GLIS3: variants seen among roughly 807,000 people sequenced by gnomAD.
The protein encoded by GLIS3 is zinc finger protein GLIS3.
In GLIS3, 53 loss-of-function variants were observed where a neutral mutation model predicts 78.6. The observed-to-expected ratio is 0.67, with a 90% CI of 0.54 to 0.85. The LOEUF (loss-of-function observed/expected upper bound fraction) is 0.85, where lower values mean the gene tolerates loss of function less well. GLIS3 is among the 40% of genes least tolerant of loss of function. The pLI is 0.00. For missense variants in GLIS3, 1,703 were observed against 1,231.1 expected, an observed-to-expected ratio of 1.38 and a Z score of -5.74; for synonymous variants, 684 against 509.9, an observed-to-expected ratio of 1.34 and a Z score of -4.60.
chr9:4,339,604 T>G (rs1264345345), intron 2 of GLIS3, among the ~76,000 whole-genome samples: 4 of 150,332 alleles, frequency 2.7e-5, no homozygotes, highest in Non-Finnish European at 5.9e-5. Flanking sequence ...CCGTCTCTGT[T>G]GTGTGTATTT....
intron 2 of GLIS3, among the ~76,000 whole-genome samples, chr9:4,191,813 T>C (rs190160161): frequency 9.9e-5 from 15 of 152,092 alleles, no homozygotes; most frequent in African/African-American, 2.2e-4. Flanking sequence ...TCCAAGGAAA[T>C]TGAAGACCAT....
chr9:4,465,267 G>T, the GLIS3 span, among the ~76,000 whole-genome samples: 1 of 152,250 alleles, frequency 6.6e-6, no homozygotes, highest in Non-Finnish European at 1.5e-5. Context: ...ACGATAATAG[G>T]CCGGGCACGG....
intron 2 of GLIS3, among the ~76,000 whole-genome samples, chr9:4,190,175 T>G (rs148879012): frequency 6.6e-6 from 1 of 152,072 alleles, no homozygotes; most frequent in African/African-American, 2.4e-5. Flanking sequence ...GGAACAAAGC[T>G]GGACGGAGAA....
intron 2 of GLIS3, among the ~76,000 whole-genome samples, chr9:4,188,532 CCT>C (rs1818020620): frequency 6.6e-6 from 1 of 151,396 alleles, no homozygotes; most frequent in Non-Finnish European, 1.5e-5. Flanking sequence ...GGGAGGATTC[CCT>C]CTTTTTCTAT....
the GLIS3 span, among the ~76,000 whole-genome samples, chr9:4,419,556 G>A: frequency 1.8e-4 from 28 of 152,110 alleles, no homozygotes; most frequent in East Asian, 1.2e-3. Context: ...TGAGGAGGCC[G>A]AGGCGGGTGG....
the GLIS3 span, among the ~76,000 whole-genome samples, chr9:4,369,603 G>A: frequency 6.6e-6 from 1 of 152,134 alleles, no homozygotes; most frequent in Admixed American, 6.5e-5. Flanking sequence ...TCCCCTGGCT[G>A]TAGGCCCTTG....
chr9:4,466,713 G>A, the GLIS3 span, among the ~76,000 whole-genome samples: 397 of 152,314 alleles, frequency 2.6e-3, 4 homozygotes, highest in African/African-American at 8.2e-3. Context: ...AGCTCCCAGC[G>A]TGAGCGACGC....
At chr9:4,207,253 G>A (rs1819964743) in intron 2 of GLIS3, among the ~76,000 whole-genome samples, 1 of 152,162 alleles carries the variant, frequency 6.6e-6, no homozygotes, top group African/African-American at 2.4e-5. Context: ...CTATGCAGAG[G>A]GAAGGTGGAC....
At chr9:4,346,665 G>A in intron 2 of GLIS3, among the ~76,000 whole-genome samples, 1 of 8,596 alleles carries the variant, frequency 1.2e-4, no homozygotes, top group Non-Finnish European at 0.012. Flanking sequence ...ATTTAATAAT[G>A]GATGGAGCCG....
intron 2 of GLIS3, among the ~76,000 whole-genome samples, chr9:4,205,175 C>A (rs371610465): frequency 3.5e-3 from 433 of 124,634 alleles, no homozygotes; most frequent in South Asian, 5.7e-3. Flanking sequence ...GAGACTCTGT[C>A]AAAAAAAAAA....
intron 2 of GLIS3, among the ~76,000 whole-genome samples, chr9:4,260,504 T>G (rs1451096217): frequency 6.6e-5 from 10 of 150,762 alleles, no homozygotes; most frequent in Non-Finnish European, 1.5e-4. Flanking sequence ...GGGGCAGAGG[T>G]TGTAGTTAGC....
intron 2 of GLIS3, among the ~76,000 whole-genome samples, chr9:4,345,389 CT>C (rs991360318): frequency 6.6e-6 from 1 of 152,144 alleles, no homozygotes; most frequent in East Asian, 1.9e-4. Context: ...ATAGCATTTT[CT>C]TTTTTATGAC....
At chr9:3,863,646 G>A (rs1019354243) in intron 8 of GLIS3, among the ~76,000 whole-genome samples, 1 of 152,244 alleles carries the variant, frequency 6.6e-6, no homozygotes, top group Non-Finnish European at 1.5e-5. Flanking sequence ...AGTCTGTGAA[G>A]TTGGCTGTAG....
chr9:4,209,808 C>A (rs930767639), intron 2 of GLIS3, among the ~76,000 whole-genome samples: 63 of 82,132 alleles, frequency 7.7e-4, no homozygotes, highest in African/African-American at 4.2e-3. Flanking sequence ...AATCCAGTAG[C>A]ATTCCCGCCC....
chr9:3,983,748 C>G (rs905416127), intron 4 of GLIS3, among the ~76,000 whole-genome samples: 2 of 152,126 alleles, frequency 1.3e-5, no homozygotes, highest in African/African-American at 4.8e-5. Flanking sequence ...TTTAGGGTAT[C>G]TGGCGAAAGA....
the GLIS3 span, among the ~76,000 whole-genome samples, chr9:4,453,576 A>C: frequency 1.2e-4 from 18 of 152,242 alleles, no homozygotes; most frequent in Admixed American, 1.0e-3. Context: ...ACATGAAAAA[A>C]CGCTCATCAT....
chr9:3,895,506 C>A (rs994816362), intron 7 of GLIS3, among the ~76,000 whole-genome samples: 7 of 152,212 alleles, frequency 4.6e-5, no homozygotes, highest in Non-Finnish European at 7.3e-5. Flanking sequence ...AAGTCATCCT[C>A]AGCATGGCCT....
the GLIS3 span, among the ~76,000 whole-genome samples, chr9:4,358,560 C>A: frequency 6.6e-6 from 1 of 152,102 alleles, no homozygotes; most frequent in Non-Finnish European, 1.5e-5. Flanking sequence ...TGGGGATACA[C>A]CAGGGCCCAA....
intron 4 of GLIS3, chr9:4,034,545 T>C (rs1169912929): frequency 6.6e-6 from 1 of 152,186 alleles, no homozygotes; most frequent in African/African-American, 2.4e-5. Context: ...GATCCTTTGG[T>C]CGTGTTGGCT....
Sources: allele counts gnomAD v4.1 joint callset (sites outside exome capture counted in the v4.1 genomes callset), GRCh38; gene constraint gnomAD v4.1.1; transcripts MANE v1.5; gene names NCBI Gene and HGNC (gene_info 2026-07-23, HGNC 2026-07-21).